The following CTNNA3 variants were observed in gnomAD, a reference collection of about 807,000 sequenced individuals.
The protein encoded by CTNNA3 is catenin alpha-3.
In CTNNA3, 76 loss-of-function variants were observed where a neutral mutation model predicts 95.7. The observed-to-expected ratio is 0.79, with a 90% CI of 0.66 to 0.96. The LOEUF (loss-of-function observed/expected upper bound fraction) is 0.96. Ranked by LOEUF, CTNNA3 falls within the 40% of genes least tolerant of loss-of-function variation. CTNNA3 has a pLI of 0.00. For synonymous variants in CTNNA3, 431 were observed against 374.4 expected, an observed-to-expected ratio of 1.15 and a Z score of -1.74; for missense variants, 1,191 against 1,089.8, an observed-to-expected ratio of 1.09 and a Z score of -1.31.
chr10:67,052,310 ATCAC>A (rs1271475241), intron 7 of CTNNA3, among the ~76,000 whole-genome samples: 38 of 92,834 alleles, frequency 4.1e-4, no homozygotes, highest in African/African-American at 1.5e-3. Context: ...ACACCCACTC[ATCAC>A]TCTCTCTCTC....
intron 5 of CTNNA3, among the ~76,000 whole-genome samples, chr10:67,253,828 C>T (rs1286379487): frequency 4.6e-5 from 7 of 152,022 alleles, no homozygotes; most frequent in African/African-American, 1.4e-4. Flanking sequence ...TTTTATGGGC[C>T]CAGGAGGCCC....
chr10:66,740,434 T>C (rs1292467201), intron 9 of CTNNA3, among the ~76,000 whole-genome samples: 9 of 152,236 alleles, frequency 5.9e-5, no homozygotes, highest in African/African-American at 1.9e-4. Context: ...ACTACCTTTA[T>C]GTGATTACAC....
intron 1 of CTNNA3, among the ~76,000 whole-genome samples, chr10:67,726,519 T>TTATATTATA (rs1554879532): frequency 1.5e-5 from 1 of 68,074 alleles, no homozygotes; most frequent in African/African-American, 6.3e-5. Flanking sequence ...ATATATTATA[T>TTATATTATA]TATATTATAT....
In CTNNA3 at chr10:67,466,650, C is replaced by T. The variant is rs954550811; in HGVS notation, c.579+55192G>A. ...TCCAAAGCGGGACAAAATGAGCTTC[C>T]GGGGAAATGAGGGTAGAGAAATATC... is the stretch of plus-strand genomic sequence containing the variant. On this transcript the variant is annotated intron_variant, in intron 5 of 17. Transcript: ENST00000433211. Among the ~76,000 whole-genome samples, 8 of 152,064 alleles carry T rather than the reference C, an allele frequency of 5.3e-5. No homozygotes were observed. In the East Asian group the frequency reaches 5.8e-4, roughly 11 times the overall value.
At chr10:66,851,686 C>G (rs1326389096) in intron 7 of CTNNA3, among the ~76,000 whole-genome samples, 1 of 149,326 alleles carries the variant, frequency 6.7e-6, no homozygotes, top group African/African-American at 2.5e-5. Flanking sequence ...TGTGATATGC[C>G]AGCTTCCCCT....
intron 1 of CTNNA3, among the ~76,000 whole-genome samples, chr10:67,758,647 A>G (rs1040755717): frequency 5.9e-5 from 9 of 152,130 alleles, no homozygotes; most frequent in Non-Finnish European, 1.2e-4. Flanking sequence ...AAACCGCACT[A>G]CATCAACCCC....
intron 7 of CTNNA3, among the ~76,000 whole-genome samples, chr10:66,844,014 G>A (rs1843162667): frequency 6.6e-6 from 1 of 152,148 alleles, no homozygotes; most frequent in Admixed American, 6.5e-5. Context: ...ATAAATGTCT[G>A]GATCCAGAGA....
intron 14 of CTNNA3, among the ~76,000 whole-genome samples, chr10:66,076,802 T>C (rs933339632): frequency 3.3e-5 from 5 of 151,788 alleles, no homozygotes; most frequent in African/African-American, 1.2e-4. Context: ...GAAAAAATTA[T>C]GCCATTTAAA....
At chr10:66,582,321 A>G (rs934252311) in intron 10 of CTNNA3, among the ~76,000 whole-genome samples, 1 of 151,752 alleles carries the variant, frequency 6.6e-6, no homozygotes, top group Admixed American at 6.6e-5. Context: ...AATTTCTTTC[A>G]GCCGTGTTTT....
intron 12 of CTNNA3, among the ~76,000 whole-genome samples, chr10:66,325,365 G>C (rs559538301): frequency 6.6e-6 from 1 of 152,052 alleles, no homozygotes; most frequent in Non-Finnish European, 1.5e-5. Context: ...TAGCAAACAA[G>C]AGTCAAGATG....
At chr10:66,749,281 G>C (rs892703677) in intron 9 of CTNNA3, among the ~76,000 whole-genome samples, 2 of 150,952 alleles carry the variant, frequency 1.3e-5, no homozygotes, top group African/African-American at 4.9e-5. Flanking sequence ...CATTGCATGC[G>C]GATTGACAAT....
chr10:67,642,716 C>CAAA (rs535011766), intron 2 of CTNNA3, among the ~76,000 whole-genome samples: 7 of 140,764 alleles, frequency 5.0e-5, no homozygotes, highest in Admixed American at 3.5e-4. Context: ...GACTCTGTCT[C>CAAA]AAAAAAAAAA....
At chr10:67,193,383 T>G (rs1346906523) in intron 6 of CTNNA3, among the ~76,000 whole-genome samples, 1 of 152,050 alleles carries the variant, frequency 6.6e-6, no homozygotes, top group African/African-American at 2.4e-5. Context: ...GGAGTACCTG[T>G]GCAGGTTTGT....
At chr10:66,845,325 C>T (rs1177486817) in intron 7 of CTNNA3, among the ~76,000 whole-genome samples, 1 of 152,134 alleles carries the variant, frequency 6.6e-6, no homozygotes, top group Non-Finnish European at 1.5e-5. Context: ...TCACCTCACA[C>T]CTGTTAGAAT....
intron 13 of CTNNA3, among the ~76,000 whole-genome samples, chr10:66,170,133 C>T (rs1438452289): frequency 1.3e-5 from 2 of 150,798 alleles, no homozygotes; most frequent in Non-Finnish European, 2.9e-5. Flanking sequence ...ATGTTATCTT[C>T]TACAATTTTT....
intron 7 of CTNNA3, among the ~76,000 whole-genome samples, chr10:66,989,938 C>T (rs1850951840): frequency 6.6e-6 from 1 of 152,034 alleles, no homozygotes; most frequent in African/African-American, 2.4e-5. Context: ...ATTTGTTGAA[C>T]TTCATTAAAA....
chr10:67,431,778 A>G (rs1249532750), intron 5 of CTNNA3, among the ~76,000 whole-genome samples: 2 of 152,032 alleles, frequency 1.3e-5, no homozygotes, highest in East Asian at 3.9e-4. Context: ...AAGATTGAAA[A>G]TGAACCCACA....
At chr10:66,856,464 T>A (rs1843687636) in intron 7 of CTNNA3, among the ~76,000 whole-genome samples, 1 of 152,102 alleles carries the variant, frequency 6.6e-6, no homozygotes. Context: ...TAATTCTGTT[T>A]TTAGTTTCTT....
At chr10:66,322,260 C>T (rs550939917) in intron 12 of CTNNA3, among the ~76,000 whole-genome samples, 15 of 152,032 alleles carry the variant, frequency 9.9e-5, no homozygotes, top group Admixed American at 2.6e-4. Flanking sequence ...TTGGAAAACT[C>T]GAAAAATATG....
Sources: allele counts gnomAD v4.1 joint callset (sites outside exome capture counted in the v4.1 genomes callset), GRCh38; gene constraint gnomAD v4.1.1; transcripts MANE v1.5; gene names NCBI Gene and HGNC (gene_info 2026-07-23, HGNC 2026-07-21).